The following AP1G1 variants were observed in gnomAD, a reference collection of about 807,000 sequenced individuals.
AP1G1 encodes the protein AP-1 complex subunit gamma-1.
A neutral mutation model predicts 108.3 loss-of-function variants in AP1G1; 7 were observed. The observed-to-expected ratio is 0.06, with a 90% CI of 0.04 to 0.12. The LOEUF (loss-of-function observed/expected upper bound fraction) is 0.12, where lower values mean the gene tolerates loss of function less well. Ranked by LOEUF, AP1G1 falls within the 10% of genes least tolerant of loss-of-function variation. AP1G1 has a pLI of 1.00. For missense variants in AP1G1, 756 were observed against 1,010.7 expected (o/e 0.75, Z 3.42); for synonymous variants, 379 against 353.5 (o/e 1.07, Z -0.81).
In AP1G1 at chr16:71,739,399, G is replaced by T. The variant is rs529776953; in HGVS notation, c.2000-58C>A. 1.2e-5 allele frequency: 16 copies of T among 1,322,468 alleles called. No individual in the cohort carries two copies. The Admixed American group carries it at 2.1e-4, about 18-fold the overall frequency. 81.9% of individuals were successfully genotyped at this position (1,322,468 alleles called of 1,614,324 possible). On this transcript the variant is annotated intron_variant, in intron 19 of 22. Coordinates refer to ENST00000299980, the MANE Select transcript of AP1G1 (RefSeq NM_001128.6). ...TAGGCAGCATGACAAAGCTTACCAAGAAATTATAGGGAAAATTATTTCGGT... is the reference window on the plus strand; with the variant it reads ...TAGGCAGCATGACAAAGCTTACCAATAAATTATAGGGAAAATTATTTCGGT...
At chr16:71,759,529 G>A (rs1002859736) in intron 10 of AP1G1, among the ~76,000 whole-genome samples, 19 of 151,426 alleles carry the variant, frequency 1.3e-4, no homozygotes, top group African/African-American at 4.4e-4. Flanking sequence ...GGGAGGCCCA[G>A]GTGGGCGGAT....
At chr16:71,759,380 G>C (rs1597053758) in intron 10 of AP1G1, among the ~76,000 whole-genome samples, 9 of 152,158 alleles carry the variant, frequency 5.9e-5, no homozygotes, top group Admixed American at 5.9e-4. Context: ...AGAATTGCTG[G>C]AACCTGGGAG....
chr16:71,756,320 G>A (rs1406295480), intron 11 of AP1G1, 161 bp from the exon 12 acceptor site: 3 of 525,848 alleles, frequency 5.7e-6, no homozygotes, highest in Non-Finnish European at 9.7e-6. Context: ...CCAAGGAGAT[G>A]TATTCTTACA....
chr16:71,739,162 A>T, intron 20 of AP1G1, 60 bp from the exon 21 acceptor site: 1 of 1,610,156 alleles, frequency 6.2e-7, no homozygotes, highest in Non-Finnish European at 8.5e-7. Context: ...CAGAATTATT[A>T]CTTCTTTTTC....
chr16:71,769,755 G>C, intron 5 of AP1G1, 56 bp from the exon 6 acceptor site: 1 of 1,441,934 alleles, frequency 6.9e-7, no homozygotes, highest in Non-Finnish European at 9.7e-7. Context: ...CAATTTTATA[G>C]AACAGGACTT....
intron 10 of AP1G1, 58 bp downstream of exon 10, chr16:71,761,454 C>T: frequency 8.3e-7 from 1 of 1,208,258 alleles, no homozygotes; most frequent in Non-Finnish European, 1.2e-6. Flanking sequence ...AGCAGAATCG[C>T]TCTTAAAATA....
At chr16:71,800,031 A>C (rs1002201292) in intron 1 of AP1G1, among the ~76,000 whole-genome samples, 5 of 151,314 alleles carry the variant, frequency 3.3e-5, no homozygotes, top group Non-Finnish European at 4.4e-5. Flanking sequence ...GATCAGCCTG[A>C]GCAACATAGC....
intron 2 of AP1G1, among the ~76,000 whole-genome samples, chr16:71,783,769 C>G (rs1404635269): frequency 1.3e-5 from 2 of 152,174 alleles, no homozygotes; most frequent in Non-Finnish European, 2.9e-5. Context: ...TTCCACAAAT[C>G]TTACTATGTT....
At chr16:71,773,426 T>C in intron 3 of AP1G1, 64 bp from the exon 4 acceptor site, 1 of 1,433,384 alleles carries the variant, frequency 7.0e-7, no homozygotes. Flanking sequence ...CTTCACAATT[T>C]CAAACTAGTT....
intron 16 of AP1G1, chr16:71,747,532 AT>A (rs2030247568): frequency 6.6e-6 from 1 of 152,164 alleles, no homozygotes; most frequent in Non-Finnish European, 1.5e-5. Flanking sequence ...GTGAGCCGAG[AT>A]TGTATGCCAC....
At chr16:71,753,058 T>A (rs541453483) in intron 13 of AP1G1, among the ~76,000 whole-genome samples, 42 of 152,330 alleles carry the variant, frequency 2.8e-4, no homozygotes, top group Non-Finnish European at 5.0e-4. Context: ...TTTTTGTTAT[T>A]CAATTTTTAA....
chr16:71,796,068 C>A (rs1245205585), intron 1 of AP1G1, among the ~76,000 whole-genome samples: 1 of 152,162 alleles, frequency 6.6e-6, no homozygotes, highest in Non-Finnish European at 1.5e-5. Flanking sequence ...GACACCCAGT[C>A]TCTACTAAAA....
intron 6 of AP1G1, among the ~76,000 whole-genome samples, chr16:71,768,810 G>A (rs547161202): frequency 1.3e-3 from 197 of 149,830 alleles, no homozygotes; most frequent in Non-Finnish European, 2.2e-3. Flanking sequence ...AGCTACTTGG[G>A]AGGCTGAGGC....
At chr16:71,773,408 A>G in intron 3 of AP1G1, 46 bp from the exon 4 acceptor site, 2 of 1,461,924 alleles carry the variant, frequency 1.4e-6, no homozygotes, top group Non-Finnish European at 1.8e-6. Context: ...GTGCTCCCCA[A>G]GAAGCAGCTT....
At chr16:71,784,807 C>G (rs1399753914) in intron 2 of AP1G1, among the ~76,000 whole-genome samples, 1 of 151,608 alleles carries the variant, frequency 6.6e-6, no homozygotes, top group Admixed American at 6.6e-5. Context: ...GATCCCCCTA[C>G]CTTGGCCTCC....
chr16:71,805,224 G>T (rs1239770910), intron 1 of AP1G1, among the ~76,000 whole-genome samples: 3 of 152,148 alleles, frequency 2.0e-5, no homozygotes, highest in Non-Finnish European at 4.4e-5. Context: ...AAGGTGGGTG[G>T]ATCACTTGAG....
chr16:71,746,810 T>A, intron 16 of AP1G1, 118 bp from the exon 17 acceptor site: 1 of 667,002 alleles, frequency 1.5e-6, no homozygotes, highest in Non-Finnish European at 2.5e-6. Flanking sequence ...CATTTTTTCT[T>A]AATTTATATA....
rs546301531 is a variant in AP1G1 at position 71,750,245 on chromosome 16, G to A, written c.1372C>T (p.Arg458Cys). The change falls in exon 14 of 23, where the codon CGC becomes TGC. Residue 458 changes from arginine (R) to cysteine (C), a missense_variant. By Grantham distance (180) the Arg-to-Cys change is radical (BLOSUM62 -3). Transcript: ENST00000299980. ...TCACCAAGAATTGCTTTGTACAGGC[G>A]CTGGACAGTATAGGCATGCATCTCC... ...SVEMHAYTVQRLYKAILGDYS... is the reference protein window; with the variant it reads ...SVEMHAYTVQCLYKAILGDYS... 54 of 1,613,956 alleles carry A rather than the reference G, an allele frequency of 3.3e-5. No homozygotes were observed. The highest frequency in any genetic ancestry group is 4.1e-5 in the Non-Finnish European group (48 of 1,179,954).
At position 71,797,473 on chromosome 16, in the gene AP1G1, T is replaced by C. The variant is rs538644547; in HGVS notation, c.-3-7991A>G. 3.3e-5 allele frequency among the ~76,000 whole-genome samples: 5 copies of C among 152,190 alleles called. No homozygotes were observed. The East Asian group carries it at 9.6e-4, about 29-fold the overall frequency. The stretch of plus-strand genomic sequence containing the variant: ...TCCAGAAAAACTTATCTAAGTGTAC[T>C]CTTCCCTAGGATGACAAGCAGAAAC... On this transcript the variant is annotated intron_variant, in intron 1 of 22. Transcript: ENST00000299980.
Sources: gnomAD v4.1 joint callset for allele counts (sites outside exome capture counted in the v4.1 genomes callset) on GRCh38, gnomAD v4.1.1 for gene constraint, MANE v1.5 for transcripts, NCBI Gene and HGNC (gene_info 2026-07-23, HGNC 2026-07-21) for gene names.